MAPKAP1: variants seen among roughly 807,000 people sequenced by gnomAD.
MAPKAP1 encodes target of rapamycin complex 2 subunit MAPKAP1.
MAPKAP1 carries 20 observed loss-of-function variants against 65.7 expected under a neutral mutation model. The observed-to-expected ratio is 0.30, with a 90% CI of 0.21 to 0.44. MAPKAP1 has a LOEUF of 0.44. Ranked by LOEUF, MAPKAP1 falls within the 20% of genes least tolerant of loss-of-function variation. The pLI is 1.00. For missense variants in MAPKAP1, 423 were observed against 648.0 expected, an observed-to-expected ratio of 0.65 and a Z score of 3.77; for synonymous variants, 222 against 244.3, an observed-to-expected ratio of 0.91 and a Z score of 0.85.
At chr9:125,649,731 G>GT (rs1833837204) in intron 4 of MAPKAP1, among the ~76,000 whole-genome samples, 1 of 148,688 alleles carries the variant, frequency 6.7e-6, no homozygotes, top group Non-Finnish European at 1.5e-5. Context: ...CAAGGACATG[G>GT]TAACAGTCTA....
chr9:125,560,069 C>T (rs577017732), intron 5 of MAPKAP1, among the ~76,000 whole-genome samples: 6 of 152,102 alleles, frequency 3.9e-5, no homozygotes, highest in African/African-American at 4.8e-5. Context: ...ATTGCAGCTA[C>T]GACAAAGAAC....
chr9:125,530,220 G>A (rs534905320), intron 7 of MAPKAP1, among the ~76,000 whole-genome samples: 1 of 152,232 alleles, frequency 6.6e-6, no homozygotes, highest in East Asian at 1.9e-4. Context: ...CTACTAATAG[G>A]ATAAACACAT....
At chr9:125,684,935 G>C (rs1212061040) in intron 1 of MAPKAP1, among the ~76,000 whole-genome samples, 1 of 152,128 alleles carries the variant, frequency 6.6e-6, no homozygotes, top group African/African-American at 2.4e-5. Context: ...GGCCTCCCAG[G>C]GCGTTGGGAT....
chr9:125,584,223 G>A (rs537513342), intron 5 of MAPKAP1, among the ~76,000 whole-genome samples: 16 of 152,252 alleles, frequency 1.1e-4, no homozygotes, highest in African/African-American at 3.9e-4. Context: ...AAGCCTAGGT[G>A]GCATCTTGGT....
intron 3 of MAPKAP1, among the ~76,000 whole-genome samples, chr9:125,659,984 C>T (rs903382423): frequency 2.6e-5 from 4 of 152,154 alleles, no homozygotes; most frequent in Non-Finnish European, 5.9e-5. Flanking sequence ...GCATTTGACA[C>T]GGTTCCTCAC....
chr9:125,463,737 G>A (rs1853579365), intron 10 of MAPKAP1, among the ~76,000 whole-genome samples: 1 of 152,226 alleles, frequency 6.6e-6, no homozygotes, highest in Non-Finnish European at 1.5e-5. Context: ...ACTATTGCAA[G>A]AGAATGTAAT....
intron 8 of MAPKAP1, among the ~76,000 whole-genome samples, chr9:125,495,980 C>T (rs951521191): frequency 2.6e-4 from 40 of 152,334 alleles, no homozygotes; most frequent in Middle Eastern, 6.8e-3. Flanking sequence ...TAATGGTGAA[C>T]GCTTGTATAG....
At chr9:125,534,380 CCTT>C (rs1461250702) in intron 7 of MAPKAP1, among the ~76,000 whole-genome samples, 6 of 152,190 alleles carry the variant, frequency 3.9e-5, no homozygotes, top group Non-Finnish European at 7.3e-5. Flanking sequence ...AATGCCACTA[CCTT>C]CTTTTGATAT....
chr9:125,640,560 TA>T (rs562917271), intron 4 of MAPKAP1, among the ~76,000 whole-genome samples: 44 of 152,264 alleles, frequency 2.9e-4, no homozygotes, highest in African/African-American at 9.9e-4. Flanking sequence ...AGTATTCTCA[TA>T]AAGCAAACCT....
At chr9:125,704,187 G>C (rs1446520188) in intron 1 of MAPKAP1, among the ~76,000 whole-genome samples, 2 of 152,118 alleles carry the variant, frequency 1.3e-5, no homozygotes, top group African/African-American at 4.8e-5. Flanking sequence ...GAAGAGTGCC[G>C]ATCTCAGTGT....
intron 8 of MAPKAP1, among the ~76,000 whole-genome samples, chr9:125,503,457 T>TCTTGTGCTCTTTG (rs1829043639): frequency 6.6e-6 from 1 of 152,086 alleles, no homozygotes; most frequent in Non-Finnish European, 1.5e-5. Context: ...GATTCTTTTC[T>TCTTGTGCTCTTTG]ATCTTGTGCT....
intron 10 of MAPKAP1, among the ~76,000 whole-genome samples, chr9:125,454,347 T>TA (rs930735779): frequency 2.2e-4 from 34 of 152,326 alleles, no homozygotes; most frequent in African/African-American, 6.5e-4. Context: ...TGGAGGGACT[T>TA]AAAGTCTATG....
chr9:125,700,774 T>C (rs556418280), intron 1 of MAPKAP1, among the ~76,000 whole-genome samples: 76 of 152,348 alleles, frequency 5.0e-4, no homozygotes, highest in African/African-American at 1.8e-3. Flanking sequence ...AAAACAAGTA[T>C]CTACAAGACC....
At chr9:125,611,868 C>G (rs1015183374) in intron 4 of MAPKAP1, among the ~76,000 whole-genome samples, 3 of 152,180 alleles carry the variant, frequency 2.0e-5, no homozygotes, top group African/African-American at 7.2e-5. Flanking sequence ...GCAGGAAATT[C>G]AAGCGTATTT....
intron 10 of MAPKAP1, among the ~76,000 whole-genome samples, chr9:125,456,021 A>G (rs1439752676): frequency 2.0e-5 from 3 of 152,292 alleles, no homozygotes; most frequent in Admixed American, 2.0e-4. Context: ...TGAATATAGG[A>G]TTCTAAGTTG....
chr9:125,556,267 C>A (rs990021053), intron 6 of MAPKAP1, among the ~76,000 whole-genome samples: 4 of 152,222 alleles, frequency 2.6e-5, no homozygotes, highest in African/African-American at 9.6e-5. Flanking sequence ...GGATCGGCAT[C>A]CAAGCGATCT....
At chr9:125,604,614 A>C (rs1832392568) in intron 4 of MAPKAP1, among the ~76,000 whole-genome samples, 1 of 152,252 alleles carries the variant, frequency 6.6e-6, no homozygotes, top group Admixed American at 6.5e-5. Flanking sequence ...TTACATAGTT[A>C]AACTTGCTTT....
chr9:125,458,235 AATTG>A (rs1853272507), intron 10 of MAPKAP1, among the ~76,000 whole-genome samples: 2 of 128,416 alleles, frequency 1.6e-5, no homozygotes, highest in Non-Finnish European at 3.3e-5. Context: ...TTTTTTTTTT[AATTG>A]ATCATTCTTG....
rs1016946574 is a variant in MAPKAP1, at chr9:125,439,680, C to CA, written c.1444-669dup. Among the ~76,000 whole-genome samples the CA allele has an allele frequency of 6.6e-6, 1 of 152,280 alleles. No homozygotes were observed. Among genetic ancestry groups the CA allele is most frequent in the Admixed American group, 6.5e-5 (1 of 15,292 alleles). ...TCCTGGGCTCCTCTCAGGCCTTCTG[C>CA]ACGCTGCTGCTTCCACGAAGCCCTG... On this transcript the variant is annotated intron_variant, in intron 11 of 11. Transcript: ENST00000265960. This position sits in a 1 kb window ranked among gnomAD's most constrained non-coding sequence, Gnocchi z 4.0.
Sources: allele counts gnomAD v4.1 joint callset (sites outside exome capture counted in the v4.1 genomes callset), GRCh38; gene constraint gnomAD v4.1.1; non-coding constraint Gnocchi (gnomAD v3.1); transcripts MANE v1.5; gene names NCBI Gene and HGNC (gene_info 2026-07-23, HGNC 2026-07-21).